The following NR1D2 variants were observed in gnomAD, a reference collection of about 807,000 sequenced individuals.
NR1D2 encodes V-erbA-related protein 1-related.
NR1D2 carries 25 observed loss-of-function variants against 52.2 expected under a neutral mutation model. That is an observed-to-expected ratio of 0.48 (90% confidence interval 0.35 to 0.67). The LOEUF (loss-of-function observed/expected upper bound fraction) is 0.67. Among genes scored for constraint, NR1D2 ranks in the 30% least tolerant of loss-of-function variants. The pLI, the probability that NR1D2 is intolerant of heterozygous loss-of-function variation, is 0.01. For synonymous variants in NR1D2, 259 were observed against 230.1 expected, an observed-to-expected ratio of 1.13 and a Z score of -1.14; for missense variants, 681 against 707.2, an observed-to-expected ratio of 0.96 and a Z score of 0.42.
At chr3:23,946,200 C>G in intron 1 of NR1D2, 2 of 985,386 alleles carry the variant, frequency 2.0e-6, no homozygotes, top group Middle Eastern at 5.2e-4. Flanking sequence ...GGGGCGTCCC[C>G]GAAGCGGGCG....
At chr3:23,952,998 T>G (rs964582781) in intron 1 of NR1D2, among the ~76,000 whole-genome samples, 2 of 151,880 alleles carry the variant, frequency 1.3e-5, no homozygotes, top group East Asian at 1.9e-4. Flanking sequence ...TCTGTCTTTT[T>G]GGGATTGTTT....
In NR1D2 at chr3:23,980,452, A is replaced by G. The variant is rs1256928347; in HGVS notation, c.*3033A>G. 6.6e-6 allele frequency: 1 copy of G among 152,106 alleles called. No homozygotes were observed. The highest frequency in any genetic ancestry group is 6.5e-5 in the Admixed American group (1 of 15,270). The allele number at this position is 152,106 out of a possible 1,614,324, so 9.4% of individuals were successfully genotyped here. On this transcript the variant is annotated 3_prime_UTR_variant, in exon 8 of 8. Transcript: ENST00000312521. ...GCTATTCTGGAACTAACATGGAAAA[A>G]TGAAATGGCTATTGTTTAAAAAAAT...
chr3:23,947,857 C>G (rs1705798825), intron 1 of NR1D2, among the ~76,000 whole-genome samples: 1 of 152,184 alleles, frequency 6.6e-6, no homozygotes, highest in Non-Finnish European at 1.5e-5. Context: ...GTGGCTCACG[C>G]CTGTAATCCC....
Position 23,972,338 on chromosome 3 carries a change from T to A in NR1D2, c.1543+4315T>A, listed in dbSNP as rs746082387. 1.2e-4 allele frequency among the ~76,000 whole-genome samples: 19 copies of A among 152,340 alleles called. 1 individual carries two copies. Among genetic ancestry groups the A allele is most frequent in the Admixed American group, 2.6e-4 (4 of 15,302 alleles). ...CTCCCATTAGTCTGGCTTCAAAGCCTTTCCATTATACTGCTTGTTAACAGA... is the reference window on the plus strand; with the variant it reads ...CTCCCATTAGTCTGGCTTCAAAGCCATTCCATTATACTGCTTGTTAACAGA... On this transcript the variant is annotated intron_variant, in intron 7 of 7. Coordinates refer to ENST00000312521, the MANE Select transcript of NR1D2 (RefSeq NM_005126.5).
At chr3:23,951,697 G>A (rs4131404) in intron 1 of NR1D2, among the ~76,000 whole-genome samples, 19,673 of 152,228 alleles carry the variant, frequency 0.13, 1,783 homozygotes, top group African/African-American at 0.24. Flanking sequence ...ATTTGTGTTT[G>A]AATTCACTGA....
chr3:23,946,622 G>C (rs62253380), intron 1 of NR1D2: 27,583 of 152,214 alleles, frequency 0.18, 2,585 homozygotes, highest in Non-Finnish European at 0.21. Flanking sequence ...GCAGCTGAGC[G>C]TGCAGCTCAC....
At chr3:23,973,833 T>G (rs1355721289) in intron 7 of NR1D2, among the ~76,000 whole-genome samples, 1 of 152,034 alleles carries the variant, frequency 6.6e-6, no homozygotes, top group Non-Finnish European at 1.5e-5. Flanking sequence ...TTTTTCTATT[T>G]ATAATTTATT....
chr3:23,972,756 A>G (rs904083819), intron 7 of NR1D2, among the ~76,000 whole-genome samples: 2 of 152,202 alleles, frequency 1.3e-5, no homozygotes, highest in Non-Finnish European at 2.9e-5. Flanking sequence ...ACCATTTAGA[A>G]GATGAATTTC....
At chr3:23,947,357 C>T (rs1705764066) in intron 1 of NR1D2, among the ~76,000 whole-genome samples, 1 of 152,202 alleles carries the variant, frequency 6.6e-6, no homozygotes, top group South Asian at 2.1e-4. Context: ...GAATGTTGAC[C>T]ATCCCCTTCC....
chr3:23,956,468 G>A (rs1342834873), intron 3 of NR1D2, among the ~76,000 whole-genome samples: 1 of 151,958 alleles, frequency 6.6e-6, no homozygotes, highest in African/African-American at 2.4e-5. Context: ...AAACAGAGAA[G>A]GCACTACTTC....
rs571815222 is a variant in NR1D2 at position 23,963,187 on chromosome 3, T to C, written c.1146+582T>C. 1.8e-5 allele frequency: 19 copies of C among 1,034,582 alleles called. No individual in the cohort carries two copies. The South Asian group carries it at 2.4e-4, about 13-fold the overall frequency. 64.1% of individuals were successfully genotyped at this position (1,034,582 alleles called of 1,614,324 possible). A position where few individuals can be genotyped will look rare whatever the true frequency, so the allele number is the denominator to read the frequency against. The stretch of plus-strand genomic sequence containing the variant: ...ATGTTGGTCATATCATTGAAGCTTT[T>C]CTATTTTTCCATCAAATACGACATT... On this transcript the variant is annotated intron_variant, in intron 5 of 7. Transcript: ENST00000312521.
At chr3:23,955,404 A>G (rs963337522) in intron 2 of NR1D2, among the ~76,000 whole-genome samples, 10 of 152,196 alleles carry the variant, frequency 6.6e-5, no homozygotes, top group African/African-American at 2.4e-4. Flanking sequence ...AATTTACAAA[A>G]TTTCTTATTT....
intron 6 of NR1D2, 28 bp downstream of exon 6, chr3:23,965,190 TGCAG>T: frequency 6.8e-7 from 1 of 1,473,830 alleles, no homozygotes; most frequent in South Asian, 1.2e-5. Flanking sequence ...TGAATATTGA[TGCAG>T]GCAGGGCATG....
Position 23,962,060 on chromosome 3 carries a change from A to G in NR1D2, c.601A>G (p.Ser201Gly). ...MQSAMKTMMN[S>G]QFSGHLQNDT... ...AAGTGCAATGAAGACCATGATGAAC[A>G]GCCAGTTCAGTGGTCACTTGCAAAA... is the stretch of plus-strand genomic sequence containing the variant. Residue 201 changes from serine (S) to glycine (G), a missense_variant, in exon 5 of 8, where the codon AGC becomes GGC. By Grantham distance (56) the Ser-to-Gly change is moderately conservative. Around this residue, in one of 3 missense-constraint regions of NR1D2, gnomAD observed 112 missense variants for 162.3 expected, o/e 0.69. Transcript: ENST00000312521. The G allele has an allele frequency of 3.1e-6, 5 of 1,614,200 alleles. No homozygotes were observed. The highest frequency in any genetic ancestry group is 2.5e-6 in the Non-Finnish European group (3 of 1,180,016).
chr3:23,954,450 G>A, intron 1 of NR1D2, 87 bp from the exon 2 acceptor site: 3 of 1,132,206 alleles, frequency 2.6e-6, no homozygotes, highest in South Asian at 2.9e-5. Context: ...TGTTTCTAAA[G>A]TTAATGGCTT....
intron 1 of NR1D2, among the ~76,000 whole-genome samples, chr3:23,951,302 C>G (rs906940870): frequency 6.6e-6 from 1 of 152,124 alleles, no homozygotes; most frequent in Non-Finnish European, 1.5e-5. Flanking sequence ...AGTCTTACTT[C>G]CAAGGAAAAA....
chr3:23,946,822 G>C (rs866132394), intron 1 of NR1D2, among the ~76,000 whole-genome samples: 3 of 152,206 alleles, frequency 2.0e-5, no homozygotes, highest in East Asian at 1.9e-4. Flanking sequence ...ACAACAGGGT[G>C]CCCTTCCCTC....
chr3:23,971,301 C>CCATTTTTTTTTTTT (rs201185985), intron 7 of NR1D2, among the ~76,000 whole-genome samples: 2 of 110,852 alleles, frequency 1.8e-5, no homozygotes, highest in Non-Finnish European at 1.8e-5. Flanking sequence ...ATCTCTATAC[C>CCATTTTTTTTTTTT]TATTTTTTTT....
intron 7 of NR1D2, among the ~76,000 whole-genome samples, chr3:23,973,906 C>T (rs1046363423): frequency 1.3e-5 from 2 of 151,902 alleles, no homozygotes; most frequent in African/African-American, 2.4e-5. Flanking sequence ...CTTAGGCCTA[C>T]ACAGGCTCAT....
Sources: allele counts gnomAD v4.1 joint callset (sites outside exome capture counted in the v4.1 genomes callset), GRCh38; gene constraint gnomAD v4.1.1; regional missense constraint gnomAD v4.1.1; transcripts MANE v1.5; gene names NCBI Gene and HGNC (gene_info 2026-07-23, HGNC 2026-07-21).